ANKS1A: variants seen among roughly 807,000 people sequenced by gnomAD.
ANKS1A encodes ankyrin repeat and sterile alpha motif domain containing 1A.
Under a neutral mutation model 120.3 loss-of-function variants are expected in ANKS1A, and 55 were observed. The observed-to-expected ratio is 0.46, with a 90% CI of 0.37 to 0.57. The LOEUF is 0.57. ANKS1A is among the 20% of genes least tolerant of loss of function. The pLI, the probability that ANKS1A is intolerant of heterozygous loss-of-function variation, is 0.00. For synonymous variants in ANKS1A, 590 were observed against 604.7 expected (o/e 0.98, Z 0.36); for missense variants, 1,123 against 1,480.3 (o/e 0.76, Z 3.96).
Position 35,090,886 on chromosome 6 carries a change from T to G in ANKS1A, c.*2277T>G. On this transcript the variant is annotated 3_prime_UTR_variant, in exon 24 of 24. Transcript: ENST00000360359. ...CTCTTCTCCCCTGCCCACCAGCTGC[T>G]CAGCGCATAAGACCTTCCCGACAGG... 1 of 985,790 alleles carries G rather than the reference T, an allele frequency of 1.0e-6. No individual in the cohort carries two copies. Among genetic ancestry groups the G allele is most frequent in the Non-Finnish European group, 1.2e-6 (1 of 830,224 alleles). 61.1% of individuals were successfully genotyped at this position (985,790 alleles called of 1,614,324 possible).
At chr6:35,006,432 A>G (rs1773460686) in intron 10 of ANKS1A, among the ~76,000 whole-genome samples, 1 of 151,974 alleles carries the variant, frequency 6.6e-6, no homozygotes. Context: ...ACTCTCCGTG[A>G]TGTAATTATT....
At chr6:35,028,929 GA>G (rs1411530631) in intron 11 of ANKS1A, among the ~76,000 whole-genome samples, 9 of 152,208 alleles carry the variant, frequency 5.9e-5, no homozygotes, top group African/African-American at 2.2e-4. Flanking sequence ...TCTAGAAACT[GA>G]ACAGCTGTGT....
chr6:34,923,241 G>A (rs1048575016), intron 1 of ANKS1A, among the ~76,000 whole-genome samples: 1 of 152,172 alleles, frequency 6.6e-6, no homozygotes, highest in African/African-American at 2.4e-5. Flanking sequence ...TTGCCTTGAG[G>A]GGCTTTGCAG....
At chr6:35,053,510 G>A (rs565915576) in intron 11 of ANKS1A, among the ~76,000 whole-genome samples, 1 of 152,362 alleles carries the variant, frequency 6.6e-6, no homozygotes, top group Non-Finnish European at 1.5e-5. Context: ...AGAAGCAAAA[G>A]GCCTTCCATT....
rs748483781 is a variant in ANKS1A, at chr6:35,085,852, G to A, written c.3219G>A (p.Ala1073=). The A allele has an allele frequency of 2.0e-5, 32 of 1,613,748 alleles. No individual in the cohort carries two copies. The highest frequency in any genetic ancestry group is 1.7e-4 in the Middle Eastern group (1 of 6,058). Residue 1073 remains alanine, a synonymous_variant, in exon 22 of 24, where the codon GCG becomes GCA. Transcript: ENST00000360359. The surrounding 1 kb of genome is among the most constrained non-coding windows in gnomAD (Gnocchi z 4.7). ...QLALQAQKSR[A]TGASAAEMIE... ...CCCTGCAGGCCCAGAAGTCCAGGGCGACGGGCGCCTCTGCAGCTGAGATGA... is the reference window on the plus strand; with the variant it reads ...CCCTGCAGGCCCAGAAGTCCAGGGCAACGGGCGCCTCTGCAGCTGAGATGA...
At chr6:34,926,105 C>T (rs747044101) in intron 1 of ANKS1A, among the ~76,000 whole-genome samples, 1 of 152,210 alleles carries the variant, frequency 6.6e-6, no homozygotes, top group Non-Finnish European at 1.5e-5. Flanking sequence ...AAAATTATAA[C>T]TAGGACTGGA....
chr6:34,900,532 C>T (rs1200510097), intron 1 of ANKS1A, among the ~76,000 whole-genome samples: 1 of 151,986 alleles, frequency 6.6e-6, no homozygotes, highest in African/African-American at 2.4e-5. Flanking sequence ...CTCAAGCGAT[C>T]CTCCTGCTTC....
intron 13 of ANKS1A, among the ~76,000 whole-genome samples, chr6:35,071,543 C>G (rs1331165323): frequency 6.6e-6 from 1 of 152,104 alleles, no homozygotes; most frequent in Non-Finnish European, 1.5e-5. Context: ...TGCCCCTACC[C>G]ATCATGGCCT....
At chr6:34,993,909 C>G (rs746859865) in intron 9 of ANKS1A, among the ~76,000 whole-genome samples, 5 of 152,108 alleles carry the variant, frequency 3.3e-5, no homozygotes, top group Non-Finnish European at 7.4e-5. Flanking sequence ...AAGGAAGGAT[C>G]CTGGATTTTA....
rs1771945777 is a variant in ANKS1A at position 34,982,318 on chromosome 6, A to T, written c.732+332A>T. 1.3e-5 allele frequency among the ~76,000 whole-genome samples: 2 copies of T among 152,212 alleles called. No homozygotes were observed. Among genetic ancestry groups the T allele is most frequent in the Admixed American group, 1.3e-4 (2 of 15,276 alleles). On this transcript the variant is annotated intron_variant, in intron 4 of 23. Coordinates refer to ENST00000360359, the MANE Select transcript of ANKS1A (RefSeq NM_015245.3). The surrounding 1 kb of genome is among the most constrained non-coding windows in gnomAD (Gnocchi z 4.9). ...CACCATTTAGCGCCTCCACAGTCTC[A>T]TCAGCTTGACGTTGCCAGCAAGAAA...
intron 10 of ANKS1A, among the ~76,000 whole-genome samples, chr6:35,008,571 A>C (rs1290265911): frequency 3.4e-4 from 52 of 152,286 alleles, no homozygotes; most frequent in Admixed American, 3.2e-3. Flanking sequence ...CTGTCTTCTT[A>C]TTATTAATTT....
At position 35,086,853 on chromosome 6, in the gene ANKS1A, C is replaced by T. The variant is rs1283404342; in HGVS notation, c.3304-99C>T. 3 of 1,211,162 alleles carry T rather than the reference C, an allele frequency of 2.5e-6. No individual in the cohort carries two copies. The highest frequency in any genetic ancestry group is 1.5e-5 in the African/African-American group (1 of 67,118). The allele number at this position is 1,211,162 out of a possible 1,614,324, so 75.0% of individuals were successfully genotyped here. A position where few individuals can be genotyped will look rare whatever the true frequency, so the allele number is the denominator to read the frequency against. ...GGAGAATAAGGGCTGCCCCTCCCAGCACAGGGGCCACAGCCTGGCCTGGGG... is the reference window on the plus strand; with the variant it reads ...GGAGAATAAGGGCTGCCCCTCCCAGTACAGGGGCCACAGCCTGGCCTGGGG... On this transcript the variant is annotated intron_variant, in intron 22 of 23. Transcript: ENST00000360359. This position sits in a 1 kb window ranked among gnomAD's most constrained non-coding sequence, Gnocchi z 5.1.
intron 1 of ANKS1A, among the ~76,000 whole-genome samples, chr6:34,913,978 C>T (rs898661761): frequency 3.7e-4 from 57 of 152,008 alleles, no homozygotes; most frequent in Middle Eastern, 3.4e-3. Context: ...AGTGCAGTGG[C>T]GTGATCTTGG....
chr6:35,054,149 A>G lies in ANKS1A; in HGVS notation c.2061A>G (p.Glu687=). 1 of 1,614,072 alleles carries G rather than the reference A, an allele frequency of 6.2e-7. No homozygotes were observed. Among genetic ancestry groups the G allele is most frequent in the Non-Finnish European group, 8.5e-7 (1 of 1,179,924 alleles). ...SIGEGIDFSQ[E]RQKISGLRTL... ...GAGAAGGGATTGACTTTTCTCAGGA[A>G]CGGCAGAAGATCTCAGGTACCGTAC... The change falls in exon 12 of 24, where the codon GAA becomes GAG. Residue 687 remains glutamate, a synonymous_variant. Transcript: ENST00000360359.
chr6:34,933,400 C>T (rs886987699), intron 1 of ANKS1A, among the ~76,000 whole-genome samples: 1 of 152,108 alleles, frequency 6.6e-6, no homozygotes, highest in African/African-American at 2.4e-5. Context: ...GATGGAGTTT[C>T]GCTCTTGTTG....
chr6:34,924,579 G>T (rs9380471), intron 1 of ANKS1A, among the ~76,000 whole-genome samples: 1 of 151,992 alleles, frequency 6.6e-6, no homozygotes, highest in Non-Finnish European at 1.5e-5. Flanking sequence ...TTTCCAAATC[G>T]GTGACTCCTG....
Position 35,029,829 on chromosome 6 carries a change from TTA to T in ANKS1A, c.2010+11781_2010+11782del, listed in dbSNP as rs560730937. On this transcript the variant is annotated intron_variant, in intron 11 of 23. Coordinates refer to ENST00000360359, the MANE Select transcript of ANKS1A (RefSeq NM_015245.3). Reference sequence around the variant, plus strand: ...TATTATTTGATTACAAATCTATTTTTTATATATATATAGTTACATATTCTATA... The same window carrying T: ...TATTATTTGATTACAAATCTATTTTTTATATATATAGTTACATATTCTATA... Among the ~76,000 whole-genome samples the T allele has an allele frequency of 5.4e-5, 8 of 148,236 alleles. 1 individual carries two copies. Among genetic ancestry groups the T allele is most frequent in the African/African-American group, 1.7e-4 (7 of 40,854 alleles).
At chr6:35,006,823 T>G (rs1773485169) in intron 10 of ANKS1A, among the ~76,000 whole-genome samples, 1 of 151,644 alleles carries the variant, frequency 6.6e-6, no homozygotes, top group Admixed American at 6.6e-5. Context: ...AAATTTAAAT[T>G]AAAAAAAATT....
chr6:34,921,959 G>C (rs1479607505), intron 1 of ANKS1A, among the ~76,000 whole-genome samples: 1 of 151,588 alleles, frequency 6.6e-6, no homozygotes, highest in Non-Finnish European at 1.5e-5. Context: ...GCCTCTCAAG[G>C]TACTGGGACT....
Sources: allele counts gnomAD v4.1 joint callset (sites outside exome capture counted in the v4.1 genomes callset), GRCh38; gene constraint gnomAD v4.1.1; non-coding constraint Gnocchi (gnomAD v3.1); transcripts MANE v1.5; gene names NCBI Gene and HGNC (gene_info 2026-07-23, HGNC 2026-07-21).